The following PLAAT2 variants were observed in gnomAD, a reference collection of about 807,000 sequenced individuals.
The protein encoded by PLAAT2 is HRAS like suppressor 2.
In PLAAT2, 12 loss-of-function variants were observed where a neutral mutation model predicts 12.8. That is an observed-to-expected ratio of 0.94 (90% CI 0.60 to 1.52). The LOEUF is 1.52. PLAAT2 is among the 40% of genes most tolerant of loss of function. PLAAT2 has a pLI of 0.00. For missense variants in PLAAT2, 166 were observed against 208.1 expected (o/e 0.80, Z 1.24); for synonymous variants, 79 against 86.8 (o/e 0.91, Z 0.50).
intron 3 of PLAAT2, among the ~76,000 whole-genome samples, chr11:63,554,313 G>A (rs1290917604): frequency 3.9e-5 from 6 of 152,230 alleles, no homozygotes; most frequent in East Asian, 1.9e-4. Context: ...CAGAGGAGAA[G>A]ACTGAGGATG....
At chr11:63,562,185 G>A (rs976295127) in intron 1 of PLAAT2, among the ~76,000 whole-genome samples, 1 of 152,250 alleles carries the variant, frequency 6.6e-6, no homozygotes, top group African/African-American at 2.4e-5. Context: ...GGGAAAGGCT[G>A]TACAGATGGG....
At chr11:63,563,888 G>A (rs2134376729), upstream of PLAAT2, among the ~76,000 whole-genome samples, 1 of 152,208 alleles carries the variant, frequency 6.6e-6, no homozygotes, top group Middle Eastern at 3.4e-3. Context: ...GTGGCAGTGT[G>A]GTCAGGGGCA....
At chr11:63,561,824 G>A (rs2017522206) in intron 1 of PLAAT2, among the ~76,000 whole-genome samples, 1 of 151,318 alleles carries the variant, frequency 6.6e-6, no homozygotes, top group South Asian at 2.1e-4. Flanking sequence ...TGACTAGAGG[G>A]GTCAAGAGTC....
chr11:63,556,276 C>T (rs1052797171), intron 3 of PLAAT2, among the ~76,000 whole-genome samples: 4 of 152,130 alleles, frequency 2.6e-5, no homozygotes, highest in African/African-American at 9.7e-5. Flanking sequence ...TGAAGTTCAA[C>T]AAGAGAGGCT....
chr11:63,563,193 A>G, intron 1 of PLAAT2, 123 bp downstream of exon 1: 1 of 1,127,094 alleles, frequency 8.9e-7, no homozygotes, highest in African/African-American at 1.5e-5. Flanking sequence ...GACCCCCAGA[A>G]CTCAGCATGT....
chr11:63,558,732 G>C lies in PLAAT2; in HGVS notation c.119-72C>G. 3.2e-6 allele frequency: 5 copies of C among 1,550,538 alleles called. No homozygotes were observed. The South Asian group carries it at 6.0e-5, about 18-fold the overall frequency. ...GAGCTGGAAGCCAAGCAGCCTCATCGCCCCGAGCACCATCAAGGAGGAGCA... is the reference window on the plus strand; with the variant it reads ...GAGCTGGAAGCCAAGCAGCCTCATCCCCCCGAGCACCATCAAGGAGGAGCA... On this transcript the variant is annotated intron_variant, in intron 2 of 3. Transcript: ENST00000255695.
chr11:63,561,696 A>T (rs2017520583), intron 1 of PLAAT2, among the ~76,000 whole-genome samples: 1 of 149,894 alleles, frequency 6.7e-6, no homozygotes, highest in African/African-American at 2.5e-5. Flanking sequence ...TACCGAGTAC[A>T]CTGCTGAGAT....
chr11:63,556,835 G>A (rs79662871), intron 3 of PLAAT2, among the ~76,000 whole-genome samples: 3,978 of 152,256 alleles, frequency 0.026, 180 homozygotes, highest in African/African-American at 0.091. Flanking sequence ...TAAACAAAGA[G>A]GGCTTCAGAA....
chr11:63,558,684 C>T (rs777715617), intron 2 of PLAAT2, 24 bp from the exon 3 acceptor site: 5 of 1,612,186 alleles, frequency 3.1e-6, no homozygotes, highest in Non-Finnish European at 4.2e-6. Flanking sequence ...GAGTTCAGTC[C>T]TGGGCAGGGC....
rs1331421199 is a variant in PLAAT2 at position 63,552,776 on chromosome 11, C to T, written c.*188G>A. On this transcript the variant is annotated 3_prime_UTR_variant, in exon 4 of 4. Transcript: ENST00000255695. ...CACAAGCATTCAGTCCATAGCAGAG[C>T]CCAATTGTGTCTTTAATAGAATTCA... The T allele has an allele frequency of 1.8e-6, 1 of 570,010 alleles. No homozygotes were observed. The allele number at this position is 570,010 out of a possible 1,614,324, so 35.3% of individuals were successfully genotyped here.
At chr11:63,555,306 G>A (rs980775212) in intron 3 of PLAAT2, among the ~76,000 whole-genome samples, 7 of 151,978 alleles carry the variant, frequency 4.6e-5, no homozygotes, top group African/African-American at 1.7e-4. Context: ...ATCAATTGTG[G>A]ATTGAAAACA....
intron 1 of PLAAT2, among the ~76,000 whole-genome samples, chr11:63,562,488 G>A (rs1461129537): frequency 6.6e-6 from 1 of 152,184 alleles, no homozygotes; most frequent in East Asian, 1.9e-4. Flanking sequence ...CAGACAAAGT[G>A]AATGTGTTCA....
At chr11:63,556,857 A>C (rs1408153456) in intron 3 of PLAAT2, among the ~76,000 whole-genome samples, 1 of 152,240 alleles carries the variant, frequency 6.6e-6, no homozygotes, top group Non-Finnish European at 1.5e-5. Flanking sequence ...GGAATATGCA[A>C]CCACGTCGAG....
Position 63,557,232 on chromosome 11 carries a change from G to GT in PLAAT2, c.387+1159dup, listed in dbSNP as rs76762541. ...CTAAGAATGTATGAGGGGATATGTG[G>GT]TTTTTTAAGTTATCTTGGACTGAGT... On this transcript the variant is annotated intron_variant, in intron 3 of 3. Coordinates refer to ENST00000255695, the MANE Select transcript of PLAAT2 (RefSeq NM_017878.2). Among the ~76,000 whole-genome samples the GT allele has an allele frequency of 9.8e-4, 149 of 152,254 alleles. 3 individuals carry two copies. In the East Asian group the frequency reaches 0.028, roughly 29 times the overall value.
At position 63,561,644 on chromosome 11, in the gene PLAAT2, C is replaced by CA. The variant is rs61140464; in HGVS notation, c.10-1452dup. Among the ~76,000 whole-genome samples, 351 of 36,006 alleles carry CA rather than the reference C, an allele frequency of 9.7e-3. 89 individuals are homozygous for CA. The highest frequency in any genetic ancestry group is 0.021 in the East Asian group (11 of 522). The allele number at this position is 36,006 out of a possible 152,430, so 23.6% of individuals were successfully genotyped here. On this transcript the variant is annotated intron_variant, in intron 1 of 3. Transcript: ENST00000255695. ...TGGGCGATAGAGTGAGACTCCATCACAAAAAAAAAAAAAAAAAAAAAAAAA... is the reference window on the plus strand; with the variant it reads ...TGGGCGATAGAGTGAGACTCCATCACAAAAAAAAAAAAAAAAAAAAAAAAAA...
intron 3 of PLAAT2, among the ~76,000 whole-genome samples, chr11:63,554,682 T>C (rs1656342318): frequency 6.7e-6 from 1 of 148,600 alleles, no homozygotes; most frequent in African/African-American, 2.5e-5. Flanking sequence ...AGCTGACAAG[T>C]GACAAGGCTC....
chr11:63,554,690 CTCAGA>C (rs2017450882), intron 3 of PLAAT2, among the ~76,000 whole-genome samples: 1 of 150,710 alleles, frequency 6.6e-6, no homozygotes, highest in South Asian at 2.1e-4. Flanking sequence ...AGTGACAAGG[CTCAGA>C]TCTGCCTGAC....
At chr11:63,562,774 G>A (rs2017529874) in intron 1 of PLAAT2, among the ~76,000 whole-genome samples, 1 of 152,222 alleles carries the variant, frequency 6.6e-6, no homozygotes, top group South Asian at 2.1e-4. Flanking sequence ...GGGTCTAAAG[G>A]AAGAAGGAAA....
intron 1 of PLAAT2, 80 bp from the exon 2 acceptor site, chr11:63,560,273 A>AGC (rs531086496): frequency 2.1e-5 from 21 of 1,002,182 alleles, no homozygotes; most frequent in Non-Finnish European, 2.9e-5. Flanking sequence ...AAGGAGCCCC[A>AGC]GCTCAGCCTG....
Sources: gnomAD v4.1 joint callset for allele counts (sites outside exome capture counted in the v4.1 genomes callset) on GRCh38, gnomAD v4.1.1 for gene constraint, MANE v1.5 for transcripts, NCBI Gene and HGNC (gene_info 2026-07-23, HGNC 2026-07-21) for gene names.